The following SORBS2 variants were observed in gnomAD, a reference collection of about 807,000 sequenced individuals.
The protein encoded by SORBS2 is sorbin and SH3 domain containing 2, also known as sorbin and SH3 domain-containing protein 2.
Under a neutral mutation model 97.7 loss-of-function variants are expected in SORBS2, and 46 were observed. That is an observed-to-expected ratio of 0.47 (90% CI 0.37 to 0.60). The LOEUF is 0.60. Among genes scored for constraint, SORBS2 ranks in the 20% least tolerant of loss-of-function variants. The pLI, the probability that SORBS2 is intolerant of heterozygous loss-of-function variation, is 0.00. For synonymous variants in SORBS2, 476 were observed against 473.4 expected (o/e 1.01, Z -0.07); for missense variants, 1,316 against 1,282.3 (o/e 1.03, Z -0.40).
At chr4:185,766,754 C>T (rs2098936202) in intron 2 of SORBS2, among the ~76,000 whole-genome samples, 1 of 152,170 alleles carries the variant, frequency 6.6e-6, no homozygotes, top group South Asian at 2.1e-4. Context: ...GAGGGCATGT[C>T]AAGATCTAGC....
chr4:185,753,548 A>T (rs1454316084), intron 2 of SORBS2, among the ~76,000 whole-genome samples: 1 of 152,208 alleles, frequency 6.6e-6, no homozygotes, highest in Non-Finnish European at 1.5e-5. Flanking sequence ...AGATTATAAA[A>T]ATGCTCCTTT....
chr4:185,868,318 A>G (rs755914966), intron 1 of SORBS2, among the ~76,000 whole-genome samples: 16 of 151,348 alleles, frequency 1.1e-4, no homozygotes, highest in African/African-American at 2.2e-4. Flanking sequence ...CACCATGCCC[A>G]GCTAATTTTT....
At chr4:185,652,186 C>T (rs763425437) in intron 2 of SORBS2, among the ~76,000 whole-genome samples, 3 of 152,124 alleles carry the variant, frequency 2.0e-5, no homozygotes, top group Non-Finnish European at 2.9e-5. Flanking sequence ...CTGCCCTCTT[C>T]GTAGCATGCA....
At chr4:185,795,255 A>G (rs927385901) in intron 1 of SORBS2, among the ~76,000 whole-genome samples, 1 of 152,202 alleles carries the variant, frequency 6.6e-6, no homozygotes, top group African/African-American at 2.4e-5. Flanking sequence ...CAAAGTTTCC[A>G]AAGTTTCTGA....
At chr4:185,742,306 G>T (rs1320661612) in intron 2 of SORBS2, among the ~76,000 whole-genome samples, 1 of 152,234 alleles carries the variant, frequency 6.6e-6, no homozygotes, top group African/African-American at 2.4e-5. Context: ...CCAGGAGCAT[G>T]ACTGTGCAGA....
chr4:185,945,141 G>A (rs564170823), intron 1 of SORBS2, among the ~76,000 whole-genome samples: 21 of 152,108 alleles, frequency 1.4e-4, no homozygotes, highest in Non-Finnish European at 2.6e-4. Flanking sequence ...GTAGAATATA[G>A]ACCATCAGCA....
intron 4 of SORBS2, among the ~76,000 whole-genome samples, chr4:185,632,977 A>G (rs2096932205): frequency 6.6e-6 from 1 of 152,244 alleles, no homozygotes; most frequent in African/African-American, 2.4e-5. Flanking sequence ...TACTCATCCC[A>G]AAATGAAAAT....
intron 2 of SORBS2, among the ~76,000 whole-genome samples, chr4:185,699,284 CTTTTT>C (rs11435144): frequency 8.9e-6 from 1 of 112,578 alleles, no homozygotes; most frequent in Non-Finnish European, 1.7e-5. Flanking sequence ...TGAAATGTAC[CTTTTT>C]TTTTTTTTTT....
At chr4:185,653,729 G>A (rs1424255951) in intron 1 of SORBS2, among the ~76,000 whole-genome samples, 1 of 152,158 alleles carries the variant, frequency 6.6e-6, no homozygotes, top group African/African-American at 2.4e-5. Context: ...CTATTGGATA[G>A]AGCTCTGCCT....
At chr4:185,773,015 A>C (rs1236521811) in intron 2 of SORBS2, 1 of 151,608 alleles carries the variant, frequency 6.6e-6, no homozygotes, top group Non-Finnish European at 1.5e-5. Flanking sequence ...AACAATCCAA[A>C]GTTTCAACGT....
chr4:185,690,470 T>C (rs1272254565), intron 2 of SORBS2, 92 bp downstream of exon 4: 2 of 673,084 alleles, frequency 3.0e-6, no homozygotes, highest in Non-Finnish European at 4.8e-6. Context: ...GAATCACATT[T>C]AGGATCAGAA....
At chr4:185,884,628 G>T (rs1228031333) in intron 1 of SORBS2, among the ~76,000 whole-genome samples, 1 of 152,176 alleles carries the variant, frequency 6.6e-6, no homozygotes, top group Non-Finnish European at 1.5e-5. Context: ...TTCAGGACTG[G>T]ATCTGAGCAG....
chr4:185,665,947 A>T, intron 4 of SORBS2: 2 of 1,237,394 alleles, frequency 1.6e-6, no homozygotes, highest in South Asian at 2.8e-5. Flanking sequence ...GCTGTGGATG[A>T]GGCTTTCTGG....
intron 1 of SORBS2, among the ~76,000 whole-genome samples, chr4:185,891,608 C>A (rs1283658162): frequency 6.6e-6 from 1 of 152,108 alleles, no homozygotes; most frequent in Non-Finnish European, 1.5e-5. Flanking sequence ...CCACTCGGAC[C>A]CACCAACCAG....
At chr4:185,706,223 T>C (rs987874654) in intron 2 of SORBS2, among the ~76,000 whole-genome samples, 2 of 152,198 alleles carry the variant, frequency 1.3e-5, no homozygotes, top group African/African-American at 4.8e-5. Flanking sequence ...TAAACATGAA[T>C]GTGACTTGTG....
intron 1 of SORBS2, among the ~76,000 whole-genome samples, chr4:185,852,874 C>G (rs1032039113): frequency 6.6e-6 from 1 of 152,106 alleles, no homozygotes; most frequent in Non-Finnish European, 1.5e-5. Context: ...CATTTACCAC[C>G]ACGCAAATCA....
intron 2 of SORBS2, among the ~76,000 whole-genome samples, chr4:185,683,521 A>C (rs975214483): frequency 6.6e-6 from 1 of 152,214 alleles, no homozygotes; most frequent in Non-Finnish European, 1.5e-5. Flanking sequence ...ATGGTATCCA[A>C]GGTAAATACA....
At chr4:185,645,976 G>T (rs1242936267) in intron 4 of SORBS2, 2 of 152,138 alleles carry the variant, frequency 1.3e-5, no homozygotes, top group Non-Finnish European at 2.9e-5. Flanking sequence ...ATTTTTGTTT[G>T]CATATAATTA....
chr4:185,762,842 C>T (rs2098907384), intron 2 of SORBS2, among the ~76,000 whole-genome samples: 1 of 152,012 alleles, frequency 6.6e-6, no homozygotes, highest in African/African-American at 2.4e-5. Context: ...ACATGGCATC[C>T]CAAAATACAC....
Sources: gnomAD v4.1 joint callset for allele counts (sites outside exome capture counted in the v4.1 genomes callset) on GRCh38, gnomAD v4.1.1 for gene constraint, MANE v1.5 for transcripts, NCBI Gene and HGNC (gene_info 2026-07-23, HGNC 2026-07-21) for gene names.